The following SLC12A2 variants were observed in gnomAD, a reference collection of about 807,000 sequenced individuals.
SLC12A2 encodes the protein Na-K-2Cl cotransporter 1.
A neutral mutation model predicts 136.3 loss-of-function variants in SLC12A2; 67 were observed. The observed-to-expected ratio is 0.49, with a 90% CI of 0.40 to 0.60. SLC12A2 has a LOEUF of 0.60. SLC12A2 is among the 20% of genes least tolerant of loss of function. The pLI, the probability that SLC12A2 is intolerant of heterozygous loss-of-function variation, is 0.00. For synonymous variants in SLC12A2, 619 were observed against 562.9 expected, an observed-to-expected ratio of 1.10 and a Z score of -1.41; for missense variants, 1,322 against 1,534.7, an observed-to-expected ratio of 0.86 and a Z score of 2.32.
intron 17 of SLC12A2, among the ~76,000 whole-genome samples, chr5:128,163,220 G>C (rs150139480): frequency 5.9e-5 from 9 of 152,076 alleles, no homozygotes; most frequent in African/African-American, 2.2e-4. Flanking sequence ...ACTTTTGCAC[G>C]TGTGAAGAAG....
intron 4 of SLC12A2, among the ~76,000 whole-genome samples, chr5:128,130,631 A>G (rs1761983618): frequency 6.6e-6 from 1 of 151,910 alleles, no homozygotes; most frequent in Non-Finnish European, 1.5e-5. Context: ...GCAGTGAACC[A>G]AGATTGCACC....
chr5:128,120,093 A>C (rs1188902178), intron 4 of SLC12A2, among the ~76,000 whole-genome samples: 3 of 152,038 alleles, frequency 2.0e-5, no homozygotes, highest in Admixed American at 6.6e-5. Context: ...ATGCAGCCAA[A>C]AGACACATGA....
rs750869343 is a variant in SLC12A2, at chr5:128,084,389, C to G, written c.435C>G (p.Asp145Glu). ...GCCGCTTCCGCGTGAACTTCGTGGA[C>G]CCAGCTGCCTCCTCGTCGGCTGAAG... Reference protein sequence around the residue: ...AKGRFRVNFVDPAASSSAEDS... With the variant: ...AKGRFRVNFVEPAASSSAEDS... Residue 145 changes from aspartate to glutamate, a missense_variant, in exon 1 of 27, where the codon GAC becomes GAG. This residue lies in a region of SLC12A2 where 358 missense variants were observed against 299.7 expected (regional missense o/e 1.19). Transcript: ENST00000262461. This position sits in a 1 kb window ranked among gnomAD's most constrained non-coding sequence, Gnocchi z 5.6. 25 of 1,608,804 alleles carry G rather than the reference C, an allele frequency of 1.6e-5. No homozygotes were observed. The South Asian group carries it at 2.1e-4, about 13-fold the overall frequency.
intron 19 of SLC12A2, 86 bp downstream of exon 19, chr5:128,171,832 C>A: frequency 1.3e-6 from 1 of 781,136 alleles, no homozygotes; most frequent in Non-Finnish European, 2.1e-6. Context: ...CTGGGCTCTT[C>A]GTTACTTTTA....
At position 128,173,884 on chromosome 5, in the gene SLC12A2, A is replaced by G. The variant is rs147602859; in HGVS notation, c.2804-657A>G. Among the ~76,000 whole-genome samples the G allele has an allele frequency of 1.7e-3, 260 of 152,306 alleles. 2 individuals carry two copies. Among genetic ancestry groups the G allele is most frequent in the Middle Eastern group, 3.4e-3 (1 of 294 alleles). On this transcript the variant is annotated intron_variant, in intron 19 of 26. Coordinates refer to ENST00000262461, the MANE Select transcript of SLC12A2 (RefSeq NM_001046.3). Reference sequence around the variant, plus strand: ...ACTAACTCTGACAAAGAGAAAATGAAGAAAAACTACTTTAAAATGGAGAAA... The same window carrying G: ...ACTAACTCTGACAAAGAGAAAATGAGGAAAAACTACTTTAAAATGGAGAAA...
Position 128,184,454 on chromosome 5 carries a change from G to A in SLC12A2, c.3388G>A (p.Glu1130Lys), listed in dbSNP as rs1763803417. Residue 1130 changes from glutamate (E) to lysine (K), a missense_variant, in exon 25 of 27, where the codon GAA (glutamate) becomes AAA (lysine). By Grantham distance (56) the Glu-to-Lys change is moderately conservative. Coordinates refer to ENST00000262461, the MANE Select transcript of SLC12A2 (RefSeq NM_001046.3). ...TATTGCAGATAAAATGAAAGAAGAT[G>A]AACCATGGCGAATAACAGATAATGA... is the stretch of plus-strand genomic sequence containing the variant. ...QDIADKMKED[E>K]PWRITDNELE... 1 of 1,608,830 alleles carries A rather than the reference G, an allele frequency of 6.2e-7. No individual in the cohort carries two copies. The highest frequency in any genetic ancestry group is 8.5e-7 in the Non-Finnish European group (1 of 1,177,298).
chr5:128,135,843 C>T (rs755547281), intron 7 of SLC12A2, 35 bp downstream of exon 7: 100 of 1,124,280 alleles, frequency 8.9e-5, no homozygotes, highest in Middle Eastern at 6.6e-4. Flanking sequence ...TTTAAGGGTA[C>T]CTATTTATAG....
intron 16 of SLC12A2, among the ~76,000 whole-genome samples, chr5:128,159,357 G>A (rs573100019): frequency 6.6e-6 from 1 of 152,218 alleles, no homozygotes; most frequent in South Asian, 2.1e-4. Flanking sequence ...CAGACTTCAT[G>A]ACTAAAACAC....
chr5:128,184,734 A>T, intron 25 of SLC12A2, 55 bp from the exon 26 acceptor site: 1 of 1,609,224 alleles, frequency 6.2e-7, no homozygotes, highest in Non-Finnish European at 8.5e-7. Flanking sequence ...TTTATGAACC[A>T]TGCTAAATTC....
intron 1 of SLC12A2, among the ~76,000 whole-genome samples, chr5:128,101,323 G>C (rs964083182): frequency 6.6e-6 from 1 of 152,158 alleles, no homozygotes; most frequent in African/African-American, 2.4e-5. Flanking sequence ...CATATTTTTA[G>C]TTGCTAAATC....
intron 1 of SLC12A2, among the ~76,000 whole-genome samples, chr5:128,104,623 C>T (rs1760861828): frequency 6.7e-6 from 1 of 149,064 alleles, no homozygotes; most frequent in Non-Finnish European, 1.5e-5. Context: ...CAGAGCAAGA[C>T]TCCATCTCAA....
intron 5 of SLC12A2, among the ~76,000 whole-genome samples, chr5:128,133,413 T>C (rs1195757328): frequency 1.3e-5 from 2 of 152,124 alleles, no homozygotes; most frequent in Non-Finnish European, 2.9e-5. Flanking sequence ...TAATTGACTT[T>C]TATGAAATAA....
At chr5:128,147,542 A>G (rs946910254) in intron 10 of SLC12A2, 80 bp from the exon 11 acceptor site, 5 of 851,342 alleles carry the variant, frequency 5.9e-6, no homozygotes, top group Admixed American at 5.8e-5. Context: ...ACCTCCTTCA[A>G]GATGTGACCA....
chr5:128,178,449 CT>C (rs1303470460), intron 21 of SLC12A2, 117 bp from the exon 22 acceptor site: 1 of 611,484 alleles, frequency 1.6e-6, no homozygotes, highest in Non-Finnish European at 2.6e-6. Context: ...ATACAATTGT[CT>C]GAATTATCTG....
chr5:128,084,851 A>G lies in SLC12A2; in HGVS notation c.756+141A>G. 9.8e-7 allele frequency: 1 copy of G among 1,018,000 alleles called. No homozygotes were observed. The highest frequency in any genetic ancestry group is 2.9e-5 in the Admixed American group (1 of 34,006). The allele number at this position is 1,018,000 out of a possible 1,614,324, so 63.1% of individuals were successfully genotyped here. ...CTGGCATCTCTGGATTCAGCTGTCA[A>G]GGGTGGAATTGCCGAGGAATGTTAA... On this transcript the variant is annotated intron_variant, in intron 1 of 26. Coordinates refer to ENST00000262461, the MANE Select transcript of SLC12A2 (RefSeq NM_001046.3). The surrounding 1 kb of genome is among the most constrained non-coding windows in gnomAD (Gnocchi z 5.6).
At chr5:128,115,702 A>G (rs917327522) in intron 4 of SLC12A2, among the ~76,000 whole-genome samples, 5 of 152,214 alleles carry the variant, frequency 3.3e-5, no homozygotes, top group Non-Finnish European at 5.9e-5. Flanking sequence ...CAACTGAGAA[A>G]AGATCTATTT....
In SLC12A2 at chr5:128,138,668, T is replaced by G. The variant is rs763637317; in HGVS notation, c.1480T>G (p.Phe494Val). Residue 494 changes from phenylalanine (F) to valine (V), a missense_variant, in exon 8 of 27, where the codon TTT (phenylalanine) becomes GTT (valine). Phe to Val is a conservative substitution (Grantham distance 50). Around this residue, in one of 8 missense-constraint regions of SLC12A2, gnomAD observed 294 missense variants for 436.6 expected, o/e 0.67. Transcript: ENST00000262461. The stretch of plus-strand genomic sequence containing the variant: ...GACTTTCTTTTCTGTATTTGCCATC[T>G]TTTTTCCTGCTGCAACTGGTATTCT... ...EETFFSVFAI[F>V]FPAATGILAG... The G allele has an allele frequency of 1.2e-6, 2 of 1,613,380 alleles. No individual in the cohort carries two copies. Among genetic ancestry groups the G allele is most frequent in the Non-Finnish European group, 1.7e-6 (2 of 1,179,578 alleles).
chr5:128,130,247 A>G (rs1258048085), intron 4 of SLC12A2, among the ~76,000 whole-genome samples: 28 of 152,202 alleles, frequency 1.8e-4, no homozygotes. Flanking sequence ...CTCTGTCTCT[A>G]CTAATAATAC....
intron 18 of SLC12A2, 41 bp from the exon 19 acceptor site, chr5:128,171,626 T>G (rs1188686427): frequency 1.8e-5 from 25 of 1,357,466 alleles, no homozygotes; most frequent in Non-Finnish European, 2.6e-5. Flanking sequence ...TTTTTGTGAT[T>G]TTTTTTTTGG....
Sources: gnomAD v4.1 joint callset for allele counts (sites outside exome capture counted in the v4.1 genomes callset) on GRCh38, gnomAD v4.1.1 for gene constraint, gnomAD v4.1.1 regional missense constraint, Gnocchi (gnomAD v3.1) non-coding constraint, MANE v1.5 for transcripts, NCBI Gene and HGNC (gene_info 2026-07-23, HGNC 2026-07-21) for gene names.